The following MYO3B variants were observed in gnomAD, a reference collection of about 807,000 sequenced individuals.
MYO3B encodes myosin-IIIb.
In MYO3B, 156 loss-of-function variants were observed where a neutral mutation model predicts 174.6. The ratio of observed to expected loss-of-function variants is 0.89; its 90% CI spans 0.78 to 1.02. The LOEUF (loss-of-function observed/expected upper bound fraction) is 1.02. MYO3B is among the 50% of genes least tolerant of loss of function. MYO3B has a pLI of 0.00. For missense variants in MYO3B, 1,632 were observed against 1,639.4 expected (o/e 1.00, Z 0.08); for synonymous variants, 563 against 569.1 (o/e 0.99, Z 0.15).
chr2:170,388,996 A>G (rs1259296994), intron 14 of MYO3B, among the ~76,000 whole-genome samples: 1 of 152,178 alleles, frequency 6.6e-6, no homozygotes, highest in Non-Finnish European at 1.5e-5. Context: ...TTAGGGAGCT[A>G]CCTCTGACAG....
chr2:170,647,800 G>A (rs1356837450), intron 32 of MYO3B, among the ~76,000 whole-genome samples: 1 of 152,092 alleles, frequency 6.6e-6, no homozygotes, highest in African/African-American at 2.4e-5. Flanking sequence ...AAGAACAAAA[G>A]TTGAAAATCA....
rs2092982618 is a variant in MYO3B, at chr2:170,228,912, C to G, written c.604-7079C>G. Among the ~76,000 whole-genome samples, 5 of 150,606 alleles carry G rather than the reference C, an allele frequency of 3.3e-5. No homozygotes were observed. In the South Asian group the frequency reaches 1.1e-3, roughly 32 times the overall value. ...GTTTTAGTTTTATGAAAGACCATCC[C>G]CCTGCCAAATACTTCAATTTCAGTT... On this transcript the variant is annotated intron_variant, in intron 6 of 34. Transcript: ENST00000408978.
At chr2:170,453,071 C>CTCTG (rs1464128602) in intron 23 of MYO3B, among the ~76,000 whole-genome samples, 11 of 152,156 alleles carry the variant, frequency 7.2e-5, no homozygotes. Flanking sequence ...AATCCTTGTC[C>CTCTG]TCTGGATGGC....
intron 7 of MYO3B, among the ~76,000 whole-genome samples, chr2:170,256,415 C>T (rs970032840): frequency 1.3e-5 from 2 of 152,070 alleles, no homozygotes; most frequent in Non-Finnish European, 2.9e-5. Flanking sequence ...AAAGGGAACC[C>T]CATTATGCTA....
intron 7 of MYO3B, among the ~76,000 whole-genome samples, chr2:170,285,750 G>A (rs1360631989): frequency 6.6e-6 from 1 of 150,930 alleles, no homozygotes; most frequent in African/African-American, 2.4e-5. Context: ...TTTTATTTTT[G>A]GGTATGCTTT....
chr2:170,627,384 C>T (rs948738289), intron 32 of MYO3B, among the ~76,000 whole-genome samples: 3 of 152,128 alleles, frequency 2.0e-5, no homozygotes, highest in Admixed American at 2.0e-4. Flanking sequence ...GTTCTCTTGC[C>T]ATGGTTTTCA....
chr2:170,593,078 G>A (rs899535103), intron 32 of MYO3B, among the ~76,000 whole-genome samples: 5 of 151,982 alleles, frequency 3.3e-5, no homozygotes, highest in African/African-American at 1.2e-4. Context: ...TGTCTATAGC[G>A]AGAGGAGGAG....
At chr2:170,434,098 C>T (rs1476748759) in intron 22 of MYO3B, among the ~76,000 whole-genome samples, 1 of 152,172 alleles carries the variant, frequency 6.6e-6, no homozygotes, top group Non-Finnish European at 1.5e-5. Flanking sequence ...TAAGTTACTT[C>T]AATTTATCGA....
At position 170,607,594 on chromosome 2, in the gene MYO3B, C is replaced by A. The variant is rs187767771; in HGVS notation, c.3734-44034C>A. 3.7e-4 allele frequency among the ~76,000 whole-genome samples: 56 copies of A among 152,304 alleles called. 1 individual carries two copies. In the East Asian group the frequency reaches 8.9e-3, roughly 24 times the overall value. Reference sequence around the variant, plus strand: ...GTGAATCTTTCTGCTGGGAGAGGCACTTCAGGGATAGGAACACAAATATTT... The same window carrying A: ...GTGAATCTTTCTGCTGGGAGAGGCAATTCAGGGATAGGAACACAAATATTT... On this transcript the variant is annotated intron_variant, in intron 32 of 34. Transcript: ENST00000408978.
chr2:170,246,258 G>A (rs989900207), intron 7 of MYO3B, among the ~76,000 whole-genome samples: 1 of 152,244 alleles, frequency 6.6e-6, no homozygotes, highest in Admixed American at 6.5e-5. Flanking sequence ...AGAAATGAGA[G>A]ATGATATCAA....
intron 7 of MYO3B, among the ~76,000 whole-genome samples, chr2:170,238,388 C>T (rs2105304051): frequency 6.6e-6 from 1 of 152,284 alleles, no homozygotes. Flanking sequence ...CTCTCCGCCC[C>T]CTCAGTGGAG....
intron 2 of MYO3B, among the ~76,000 whole-genome samples, chr2:170,199,746 G>T (rs186725163): frequency 6.6e-6 from 1 of 152,268 alleles, no homozygotes; most frequent in East Asian, 1.9e-4. Flanking sequence ...TTAGAGCACC[G>T]GGGTTATAAT....
chr2:170,449,335 G>A (rs1683447651), intron 23 of MYO3B, among the ~76,000 whole-genome samples: 1 of 152,158 alleles, frequency 6.6e-6, no homozygotes, highest in South Asian at 2.1e-4. Flanking sequence ...TTGCAGTTAT[G>A]CAAAAAACTA....
chr2:170,520,825 C>T (rs1688630397), intron 30 of MYO3B, among the ~76,000 whole-genome samples: 2 of 152,062 alleles, frequency 1.3e-5, no homozygotes, highest in Admixed American at 1.3e-4. Flanking sequence ...CTGTTCTTCA[C>T]GGAAGCCTTT....
chr2:170,507,940 C>T (rs1426119309), intron 28 of MYO3B, among the ~76,000 whole-genome samples: 1 of 152,142 alleles, frequency 6.6e-6, no homozygotes, highest in Non-Finnish European at 1.5e-5. Context: ...GCACAGGAAT[C>T]TCCTTTGCTA....
At position 170,635,097 on chromosome 2, in the gene MYO3B, G is replaced by C. The variant is rs532500207; in HGVS notation, c.3734-16531G>C. Among the ~76,000 whole-genome samples, 20 of 152,216 alleles carry C rather than the reference G, an allele frequency of 1.3e-4. No individual in the cohort carries two copies. The South Asian group carries it at 2.3e-3, about 17-fold the overall frequency. On this transcript the variant is annotated intron_variant, in intron 32 of 34. Transcript: ENST00000408978. ...GAACTAGAAATACCATTTGACCCAGGGATCCCATTACTGGGTATATACCAA... is the reference window on the plus strand; with the variant it reads ...GAACTAGAAATACCATTTGACCCAGCGATCCCATTACTGGGTATATACCAA...
chr2:170,382,317 G>A (rs1369392866), intron 10 of MYO3B: 2 of 416,706 alleles, frequency 4.8e-6, no homozygotes, highest in Non-Finnish European at 8.7e-6. Flanking sequence ...GAATGATGAA[G>A]AGAAAAGGAT....
intron 22 of MYO3B, among the ~76,000 whole-genome samples, chr2:170,409,180 T>C (rs919334793): frequency 6.6e-6 from 1 of 152,198 alleles, no homozygotes; most frequent in South Asian, 2.1e-4. Flanking sequence ...CTTCGGAATT[T>C]CCGATTTTTC....
At chr2:170,371,923 C>T (rs1381806766) in intron 9 of MYO3B, among the ~76,000 whole-genome samples, 1 of 150,724 alleles carries the variant, frequency 6.6e-6, no homozygotes, top group Non-Finnish European at 1.5e-5. Flanking sequence ...GTCACTATAG[C>T]AAGACCTCAT....
Sources: allele counts gnomAD v4.1 joint callset (sites outside exome capture counted in the v4.1 genomes callset), GRCh38; gene constraint gnomAD v4.1.1; transcripts MANE v1.5; gene names NCBI Gene and HGNC (gene_info 2026-07-23, HGNC 2026-07-21).